Variants in XYLT1 observed in about 807,000 individuals in gnomAD.
XYLT1 encodes the protein xylosyltransferase 1, also known as beta-D-xylosyltransferase 1.
XYLT1 carries 36 observed loss-of-function variants against 91.3 expected under a neutral mutation model. The observed-to-expected ratio is 0.39, with a 90% CI of 0.30 to 0.52. XYLT1 has a LOEUF of 0.52. XYLT1 is among the 20% of genes least tolerant of loss of function. The pLI, the probability that XYLT1 is intolerant of heterozygous loss-of-function variation, is 0.68. For missense variants in XYLT1, 1,242 were observed against 1,284.5 expected (o/e 0.97, Z 0.51); for synonymous variants, 588 against 532.0 (o/e 1.11, Z -1.45).
At chr16:17,444,313 G>T (rs1332993489) in intron 1 of XYLT1, among the ~76,000 whole-genome samples, 2 of 152,074 alleles carry the variant, frequency 1.3e-5, no homozygotes, top group African/African-American at 4.8e-5. Flanking sequence ...CTCAGTACTG[G>T]AGTATAGGGA....
At chr16:17,410,778 G>C (rs1469217871) in intron 1 of XYLT1, among the ~76,000 whole-genome samples, 3 of 151,820 alleles carry the variant, frequency 2.0e-5, no homozygotes, top group Non-Finnish European at 4.4e-5. Flanking sequence ...GAATAGTTTG[G>C]ATGGCAGGCG....
intron 5 of XYLT1, among the ~76,000 whole-genome samples, chr16:17,167,042 G>A (rs1178386863): frequency 6.6e-6 from 1 of 152,208 alleles, no homozygotes; most frequent in African/African-American, 2.4e-5. Context: ...ACATCCAGGA[G>A]GTACTCATTT....
rs761434857 is a variant in XYLT1 at position 17,108,892 on chromosome 16, C to T, written c.2683G>A (p.Ala895Thr). Residue 895 changes from alanine to threonine, a missense_variant, in exon 12 of 12, where the codon GCA (alanine) becomes ACA (threonine). This residue lies in a region of XYLT1 where 511 missense variants were observed against 497.0 expected (regional missense o/e 1.03). Transcript: ENST00000261381. ...PAQVEQARRN[A>T]ASTGTALEGW... ...TCCAGCGCTGTGCCCGTGGAGGCTG[C>T]GTTCCTCCGTGCCTGTTCCACCTGG... 1.4e-5 allele frequency: 23 copies of T among 1,610,472 alleles called. No individual in the cohort carries two copies. The highest frequency in any genetic ancestry group is 2.2e-5 in the East Asian group (1 of 44,794).
intron 3 of XYLT1, among the ~76,000 whole-genome samples, chr16:17,258,437 A>G (rs1342314167): frequency 6.6e-6 from 1 of 151,764 alleles, no homozygotes. Context: ...ATGAGGAAGG[A>G]AGGGAGGAAA....
chr16:17,391,221 T>TTATTTA (rs2035815486), intron 1 of XYLT1, among the ~76,000 whole-genome samples: 1 of 152,288 alleles, frequency 6.6e-6, no homozygotes, highest in African/African-American at 2.4e-5. Flanking sequence ...TGCATTTCTT[T>TTATTTA]TATTTAACAC....
intron 1 of XYLT1, among the ~76,000 whole-genome samples, chr16:17,382,982 A>G (rs1248557233): frequency 6.6e-6 from 1 of 151,808 alleles, no homozygotes; most frequent in African/African-American, 2.4e-5. Context: ...ATTTCAAACA[A>G]CTACCCAGTC....
intron 10 of XYLT1, among the ~76,000 whole-genome samples, chr16:17,120,095 T>C (rs2029993876): frequency 1.3e-5 from 2 of 152,174 alleles, no homozygotes; most frequent in East Asian, 1.9e-4. Flanking sequence ...ATTTTTCTAC[T>C]ACCCTGTGGA....
chr16:17,122,585 A>AG (rs1368955576), intron 10 of XYLT1, among the ~76,000 whole-genome samples: 1 of 152,090 alleles, frequency 6.6e-6, no homozygotes, highest in African/African-American at 2.4e-5. Flanking sequence ...AGAAACTTTT[A>AG]AAATTAAGTC....
At chr16:17,229,602 T>C (rs2033128502) in intron 3 of XYLT1, among the ~76,000 whole-genome samples, 1 of 152,228 alleles carries the variant, frequency 6.6e-6, no homozygotes, top group Non-Finnish European at 1.5e-5. Context: ...AACAAGCCCA[T>C]TCACCCTAAC....
intron 1 of XYLT1, among the ~76,000 whole-genome samples, chr16:17,386,802 A>G (rs2035753213): frequency 6.6e-6 from 1 of 152,312 alleles, no homozygotes; most frequent in Non-Finnish European, 1.5e-5. Flanking sequence ...TACCTCATCT[A>G]ATCTTCACAG....
chr16:17,421,859 A>T, intron 1 of XYLT1, among the ~76,000 whole-genome samples: 1 of 151,954 alleles, frequency 6.6e-6, no homozygotes, highest in Non-Finnish European at 1.5e-5. Context: ...TTTTTTCAAG[A>T]CCGAGTCTCA....
At chr16:17,343,762 C>A (rs1375201244) in intron 2 of XYLT1, among the ~76,000 whole-genome samples, 1 of 152,202 alleles carries the variant, frequency 6.6e-6, no homozygotes, top group African/African-American at 2.4e-5. Flanking sequence ...AGCCACCATA[C>A]CCAGTGTGCT....
intron 5 of XYLT1, among the ~76,000 whole-genome samples, chr16:17,174,785 T>G (rs1490799102): frequency 3.3e-5 from 5 of 152,222 alleles, no homozygotes; most frequent in African/African-American, 1.2e-4. Flanking sequence ...ATAACTTGTT[T>G]TTTGAGATGA....
At chr16:17,368,602 A>AG (rs2035486125) in intron 1 of XYLT1, among the ~76,000 whole-genome samples, 1 of 147,072 alleles carries the variant, frequency 6.8e-6, no homozygotes, top group Non-Finnish European at 1.5e-5. Flanking sequence ...AAAAAAAAAA[A>AG]ACGACAGGGT....
chr16:17,288,297 G>A (rs540342591), intron 2 of XYLT1, among the ~76,000 whole-genome samples: 4 of 150,980 alleles, frequency 2.6e-5, no homozygotes, highest in Non-Finnish European at 5.9e-5. Context: ...AAATAGTGCA[G>A]TGTCCAAGCA....
intron 3 of XYLT1, among the ~76,000 whole-genome samples, chr16:17,215,951 A>G (rs1035147986): frequency 6.6e-6 from 1 of 151,994 alleles, no homozygotes; most frequent in Non-Finnish European, 1.5e-5. Flanking sequence ...ATGGTTGAGG[A>G]GTGGGTGGCA....
At chr16:17,460,141 G>C (rs1421652096) in intron 1 of XYLT1, among the ~76,000 whole-genome samples, 1 of 152,192 alleles carries the variant, frequency 6.6e-6, no homozygotes, top group African/African-American at 2.4e-5. Flanking sequence ...GTCCCTGACA[G>C]CGCTGGGACC....
chr16:17,201,272 A>G (rs540660628), intron 3 of XYLT1, among the ~76,000 whole-genome samples: 157 of 152,158 alleles, frequency 1.0e-3, no homozygotes, highest in Middle Eastern at 6.8e-3. Flanking sequence ...CCTCTCCTCT[A>G]TTCTTAGTCC....
intron 1 of XYLT1, among the ~76,000 whole-genome samples, chr16:17,359,787 G>A (rs1366244929): frequency 6.6e-6 from 1 of 152,236 alleles, no homozygotes; most frequent in Admixed American, 6.5e-5. Context: ...CTTCCCAGGG[G>A]TGAAGAAGTG....
Sources: allele counts gnomAD v4.1 joint callset (sites outside exome capture counted in the v4.1 genomes callset), GRCh38; gene constraint gnomAD v4.1.1; regional missense constraint gnomAD v4.1.1; transcripts MANE v1.5; gene names NCBI Gene and HGNC (gene_info 2026-07-23, HGNC 2026-07-21).